The following NRXN3 variants were observed in gnomAD, a reference collection of about 807,000 sequenced individuals.
NRXN3 encodes the protein neurexin 3.
In NRXN3, 32 loss-of-function variants were observed where a neutral mutation model predicts 137.6. The ratio of observed to expected loss-of-function variants is 0.23; its 90% CI spans 0.18 to 0.31. The LOEUF is 0.31. Among genes scored for constraint, NRXN3 ranks in the 10% least tolerant of loss-of-function variants. The pLI is 1.00. For synonymous variants in NRXN3, 798 were observed against 784.5 expected, an observed-to-expected ratio of 1.02 and a Z score of -0.29; for missense variants, 1,574 against 2,062.5, an observed-to-expected ratio of 0.76 and a Z score of 4.59.
intron 10 of NRXN3, among the ~76,000 whole-genome samples, chr14:78,816,438 T>G (rs1056443924): frequency 2.0e-5 from 3 of 152,134 alleles, no homozygotes; most frequent in Admixed American, 2.0e-4. Flanking sequence ...TTCCACATCT[T>G]ATTTTTCCAC....
chr14:79,825,238 A>G lies in NRXN3; in HGVS notation c.4093+20048A>G, dbSNP rs61992442. On this transcript the variant is annotated intron_variant, in intron 20 of 20. Transcript: ENST00000335750. The stretch of plus-strand genomic sequence containing the variant: ...TTTTTTTTTTTTTTACGGCCGTCCA[A>G]TTTTCAAATTATATGTGGATTTTCT... 5.5e-3 allele frequency among the ~76,000 whole-genome samples: 732 copies of G among 133,112 alleles called. 4 individuals carry two copies. Among genetic ancestry groups the G allele is most frequent in the Non-Finnish European group, 8.2e-3 (526 of 63,912 alleles). 87.3% of individuals were successfully genotyped at this position (133,112 alleles called of 152,430 possible).
At chr14:79,784,896 C>T (rs527474071) in intron 19 of NRXN3, among the ~76,000 whole-genome samples, 33 of 152,192 alleles carry the variant, frequency 2.2e-4, no homozygotes, top group Admixed American at 1.6e-3. Context: ...TGTCACTCTG[C>T]GGGGCTTTAT....
intron 16 of NRXN3, among the ~76,000 whole-genome samples, chr14:79,528,076 C>T (rs373913383): frequency 3.3e-5 from 5 of 151,924 alleles, no homozygotes; most frequent in African/African-American, 1.2e-4. Context: ...AGACTATTTA[C>T]GTATTTAACC....
intron 15 of NRXN3, among the ~76,000 whole-genome samples, chr14:79,091,563 C>T (rs2049198142): frequency 6.6e-6 from 1 of 152,094 alleles, no homozygotes; most frequent in South Asian, 2.1e-4. Context: ...CCATGGGGCG[C>T]TTTGTCCCAG....
intron 4 of NRXN3, among the ~76,000 whole-genome samples, chr14:78,371,139 C>T (rs1220189229): frequency 2.6e-5 from 4 of 152,116 alleles, no homozygotes; most frequent in East Asian, 1.9e-4. Flanking sequence ...CAGTTATCCC[C>T]GTTTTCCTTC....
chr14:78,676,598 T>C (rs907751396), intron 6 of NRXN3, among the ~76,000 whole-genome samples: 2 of 152,188 alleles, frequency 1.3e-5, no homozygotes, highest in African/African-American at 4.8e-5. Flanking sequence ...AGTGCTGATA[T>C]AGAACCTGCA....
At chr14:79,148,177 G>T (rs1261075816) in intron 15 of NRXN3, among the ~76,000 whole-genome samples, 1 of 152,120 alleles carries the variant, frequency 6.6e-6, no homozygotes, top group Non-Finnish European at 1.5e-5. Flanking sequence ...TAAGTTAGTG[G>T]TATAAAATTG....
chr14:78,777,681 CTGCT>C (rs1437976222), intron 8 of NRXN3, among the ~76,000 whole-genome samples: 1 of 152,180 alleles, frequency 6.6e-6, no homozygotes, highest in Non-Finnish European at 1.5e-5. Context: ...CTTCCCCTGG[CTGCT>C]GTTTTACTCA....
At chr14:79,411,513 TTGTCAC>T (rs1225070087) in intron 15 of NRXN3, among the ~76,000 whole-genome samples, 1 of 152,182 alleles carries the variant, frequency 6.6e-6, no homozygotes, top group Non-Finnish European at 1.5e-5. Flanking sequence ...AGAGATATGC[TTGTCAC>T]TGAACACGAC....
intron 16 of NRXN3, among the ~76,000 whole-genome samples, chr14:79,622,566 TC>T (rs1487441674): frequency 6.6e-6 from 1 of 152,062 alleles, no homozygotes; most frequent in Non-Finnish European, 1.5e-5. Flanking sequence ...ATACTACTTG[TC>T]TGTTATTATT....
intron 10 of NRXN3, among the ~76,000 whole-genome samples, chr14:78,928,519 C>G (rs764823027): frequency 6.6e-6 from 1 of 152,026 alleles, no homozygotes; most frequent in Non-Finnish European, 1.5e-5. Flanking sequence ...TCTCATTGTT[C>G]AATTCCAACC....
chr14:78,519,102 G>T (rs969176789), intron 4 of NRXN3, among the ~76,000 whole-genome samples: 2 of 152,044 alleles, frequency 1.3e-5, no homozygotes, highest in African/African-American at 4.8e-5. Flanking sequence ...TATACAACTT[G>T]TCTATAGATC....
At chr14:78,605,777 C>T (rs554984922) in intron 4 of NRXN3, among the ~76,000 whole-genome samples, 5 of 152,152 alleles carry the variant, frequency 3.3e-5, no homozygotes, top group African/African-American at 1.2e-4. Context: ...TAGTAGTAAA[C>T]CATGTTTAAA....
At chr14:78,269,739 G>T (rs771903530) in intron 2 of NRXN3, among the ~76,000 whole-genome samples, 7 of 152,126 alleles carry the variant, frequency 4.6e-5, no homozygotes, top group Non-Finnish European at 1.0e-4. Context: ...CCTCTTCTAA[G>T]ACACTTTATT....
At chr14:79,299,660 G>C (rs1444260888) in intron 15 of NRXN3, among the ~76,000 whole-genome samples, 1 of 152,022 alleles carries the variant, frequency 6.6e-6, no homozygotes, top group Non-Finnish European at 1.5e-5. Context: ...TAAAGAATCA[G>C]GCATATTAAT....
intron 2 of NRXN3, among the ~76,000 whole-genome samples, chr14:78,252,260 A>G (rs2068752961): frequency 1.3e-5 from 2 of 152,036 alleles, no homozygotes; most frequent in African/African-American, 4.8e-5. Flanking sequence ...CTGTGACAAA[A>G]CTTACTTTGC....
At chr14:79,147,411 G>A (rs2059399998) in intron 15 of NRXN3, among the ~76,000 whole-genome samples, 3 of 152,140 alleles carry the variant, frequency 2.0e-5, no homozygotes, top group South Asian at 4.1e-4. Context: ...TGGAAGTAGC[G>A]CCTTGTAGAT....
At chr14:78,641,596 G>T (rs2097632974) in intron 4 of NRXN3, among the ~76,000 whole-genome samples, 1 of 152,188 alleles carries the variant, frequency 6.6e-6, no homozygotes, top group Non-Finnish European at 1.5e-5. Context: ...GATTCAGAGA[G>T]AAGCTTTCAG....
chr14:78,363,910 C>A (rs1449350945), intron 4 of NRXN3, among the ~76,000 whole-genome samples: 1 of 152,204 alleles, frequency 6.6e-6, no homozygotes, highest in Non-Finnish European at 1.5e-5. Flanking sequence ...GTGAAGATTT[C>A]CTCTATGGAG....
Sources: gnomAD v4.1 joint callset for allele counts (sites outside exome capture counted in the v4.1 genomes callset) on GRCh38, gnomAD v4.1.1 for gene constraint, MANE v1.5 for transcripts, NCBI Gene and HGNC (gene_info 2026-07-23, HGNC 2026-07-21) for gene names.